SLIT3: variants seen among roughly 807,000 people sequenced by gnomAD.
The protein encoded by SLIT3 is slit homolog 3 protein.
SLIT3 carries 68 observed loss-of-function variants against 184.0 expected under a neutral mutation model. The ratio of observed to expected loss-of-function variants is 0.37; its 90% CI spans 0.30 to 0.45. SLIT3 has a LOEUF of 0.45. Ranked by LOEUF, SLIT3 falls within the 20% of genes least tolerant of loss-of-function variation. The pLI is 1.00. For synonymous variants in SLIT3, 831 were observed against 828.6 expected, an observed-to-expected ratio of 1.00 and a Z score of -0.05; for missense variants, 1,707 against 2,026.0, an observed-to-expected ratio of 0.84 and a Z score of 3.02.
intron 9 of SLIT3, among the ~76,000 whole-genome samples, chr5:168,800,797 G>A (rs985249796): frequency 6.6e-6 from 1 of 152,228 alleles, no homozygotes; most frequent in African/African-American, 2.4e-5. Context: ...TTCTGTGCAT[G>A]TGCTCAGATG....
chr5:169,094,000 T>C (rs552440154), intron 4 of SLIT3, among the ~76,000 whole-genome samples: 3 of 152,354 alleles, frequency 2.0e-5, no homozygotes, highest in African/African-American at 4.8e-5. Flanking sequence ...AAGCATTTCC[T>C]ATCTGTGAAC....
chr5:169,278,109 T>C (rs145269278), intron 1 of SLIT3, among the ~76,000 whole-genome samples: 10 of 152,348 alleles, frequency 6.6e-5, no homozygotes, highest in Non-Finnish European at 1.5e-4. Context: ...TTGGATGTGA[T>C]GTCCTGCTCA....
intron 3 of SLIT3, among the ~76,000 whole-genome samples, chr5:169,221,910 G>C (rs768880907): frequency 3.3e-5 from 5 of 152,228 alleles, no homozygotes; most frequent in Non-Finnish European, 7.3e-5. Flanking sequence ...AGGATGTACA[G>C]AGATTGCTTT....
chr5:168,885,582 G>A (rs1760166444), intron 4 of SLIT3, among the ~76,000 whole-genome samples: 1 of 152,212 alleles, frequency 6.6e-6, no homozygotes, highest in African/African-American at 2.4e-5. Flanking sequence ...GCCAAATGAA[G>A]CTGGTCTGTA....
chr5:169,077,133 A>G (rs1758775826), intron 4 of SLIT3, among the ~76,000 whole-genome samples: 1 of 152,200 alleles, frequency 6.6e-6, no homozygotes, highest in Non-Finnish European at 1.5e-5. Context: ...TGTGAGGAGG[A>G]CAAGGATGAA....
At chr5:168,870,973 C>T (rs1047287933) in intron 5 of SLIT3, among the ~76,000 whole-genome samples, 1 of 152,184 alleles carries the variant, frequency 6.6e-6, no homozygotes, top group Non-Finnish European at 1.5e-5. Context: ...GCTGCTATAA[C>T]GAATTACCAC....
At chr5:169,165,117 A>G (rs889866026) in intron 4 of SLIT3, among the ~76,000 whole-genome samples, 8 of 152,368 alleles carry the variant, frequency 5.3e-5, no homozygotes, top group African/African-American at 1.9e-4. Flanking sequence ...GAAATGCTAG[A>G]TCCCTTGCCT....
chr5:169,069,805 G>T (rs979676066), intron 4 of SLIT3, among the ~76,000 whole-genome samples: 2 of 152,070 alleles, frequency 1.3e-5, no homozygotes, highest in African/African-American at 2.4e-5. Context: ...TGTGGTGAGT[G>T]TGTACACCAT....
intron 4 of SLIT3, among the ~76,000 whole-genome samples, chr5:169,188,763 C>T (rs1450511359): frequency 1.3e-5 from 2 of 152,204 alleles, no homozygotes; most frequent in African/African-American, 4.8e-5. Flanking sequence ...AGATAATTCC[C>T]ATTTATCCTC....
At chr5:168,728,277 C>CATATATATATATATATATATATATAT (rs3061738) in intron 20 of SLIT3, among the ~76,000 whole-genome samples, 7 of 141,012 alleles carry the variant, frequency 5.0e-5, no homozygotes, top group African/African-American at 1.8e-4. Flanking sequence ...TAATCAACAA[C>CATATATATATATATATATATATATAT]ATATATATAT....
chr5:168,669,712 C>CTGAGGTGATCTGGATG, intron 35 of SLIT3, 71 bp downstream of exon 35: 1 of 1,258,886 alleles, frequency 7.9e-7, no homozygotes, highest in Non-Finnish European at 1.1e-6. Context: ...AGAACTGGAA[C>CTGAGGTGATCTGGATG]TGAGGTGATC....
intron 6 of SLIT3, among the ~76,000 whole-genome samples, chr5:168,825,686 T>G (rs1428395033): frequency 6.6e-6 from 1 of 152,216 alleles, no homozygotes; most frequent in African/African-American, 2.4e-5. Flanking sequence ...AGATGCTCAG[T>G]GGGGGATAAT....
In SLIT3 at chr5:168,666,466, G is replaced by A. The variant is rs778200381; in HGVS notation, c.4560C>T (p.Leu1520=). ...EVERHLECGC[L]ACS ...GGCGGGCAGGGGCTTAGGAACACGCGAGGCAGCCGCACTCTAAGTGTCTCT... is the reference window on the plus strand; with the variant it reads ...GGCGGGCAGGGGCTTAGGAACACGCAAGGCAGCCGCACTCTAAGTGTCTCT... Residue 1520 remains leucine, a synonymous_variant, in exon 36 of 36, where the codon CTC becomes CTT. Transcript: ENST00000519560. The A allele has an allele frequency of 1.2e-5, 19 of 1,573,308 alleles. No homozygotes were observed. The highest frequency in any genetic ancestry group is 1.0e-5 in the Non-Finnish European group (12 of 1,156,088).
intron 3 of SLIT3, among the ~76,000 whole-genome samples, chr5:169,215,797 T>C (rs1458071429): frequency 6.6e-5 from 10 of 152,244 alleles, no homozygotes; most frequent in African/African-American, 2.4e-4. Flanking sequence ...AGTGCTAACC[T>C]TGTTTGAAAA....
chr5:169,074,821 C>CA (rs1758678172), intron 4 of SLIT3, among the ~76,000 whole-genome samples: 1 of 152,148 alleles, frequency 6.6e-6, no homozygotes, highest in Non-Finnish European at 1.5e-5. Flanking sequence ...ACAGCTGAAG[C>CA]AAGACCTGAG....
chr5:169,299,328 G>A (rs982044794), intron 1 of SLIT3, among the ~76,000 whole-genome samples: 8 of 152,264 alleles, frequency 5.3e-5, no homozygotes, highest in Admixed American at 2.0e-4. Flanking sequence ...AGAAGAGGAG[G>A]TGGGGTGATA....
chr5:169,229,497 GAGA>G, intron 3 of SLIT3, among the ~76,000 whole-genome samples: 1 of 152,320 alleles, frequency 6.6e-6, no homozygotes, highest in South Asian at 2.1e-4. Flanking sequence ...TTTTTCAGAT[GAGA>G]AGAAGCATGC....
intron 5 of SLIT3, among the ~76,000 whole-genome samples, chr5:168,859,583 A>C (rs1427005304): frequency 6.6e-6 from 1 of 152,230 alleles, no homozygotes; most frequent in Non-Finnish European, 1.5e-5. Flanking sequence ...GTTTTCAAGC[A>C]ATGTGGTTTT....
chr5:168,880,419 C>T (rs915596375), intron 5 of SLIT3, among the ~76,000 whole-genome samples: 2 of 152,240 alleles, frequency 1.3e-5, no homozygotes, highest in African/African-American at 4.8e-5. Context: ...CATGAGATGT[C>T]TCTGCTGGAA....
Sources: gnomAD v4.1 joint callset for allele counts (sites outside exome capture counted in the v4.1 genomes callset) on GRCh38, gnomAD v4.1.1 for gene constraint, MANE v1.5 for transcripts, NCBI Gene and HGNC (gene_info 2026-07-23, HGNC 2026-07-21) for gene names.